MYO5B: variants seen among roughly 807,000 people sequenced by gnomAD.
MYO5B encodes unconventional myosin-Vb.
In MYO5B, 143 loss-of-function variants were observed where a neutral mutation model predicts 229.3. The ratio of observed to expected loss-of-function variants is 0.62; its 90% CI spans 0.54 to 0.72. The LOEUF is 0.72. Among genes scored for constraint, MYO5B ranks in the 30% least tolerant of loss-of-function variants. MYO5B has a pLI of 0.00. For missense variants in MYO5B, 2,321 were observed against 2,331.0 expected, an observed-to-expected ratio of 1.00 and a Z score of 0.09; for synonymous variants, 918 against 885.2, an observed-to-expected ratio of 1.04 and a Z score of -0.66.
chr18:49,833,549 A>T (rs755188941), intron 39 of MYO5B, among the ~76,000 whole-genome samples: 6 of 152,226 alleles, frequency 3.9e-5, no homozygotes, highest in Non-Finnish European at 7.3e-5. Flanking sequence ...CTTAACCTCC[A>T]TTATATTTTC....
intron 33 of MYO5B, among the ~76,000 whole-genome samples, chr18:49,846,829 C>G (rs921330794): frequency 3.3e-5 from 5 of 152,016 alleles, no homozygotes; most frequent in African/African-American, 1.2e-4. Flanking sequence ...AGAGCTGCAC[C>G]AAGGAAAGGG....
At chr18:50,013,936 G>T (rs2026189137) in intron 4 of MYO5B, among the ~76,000 whole-genome samples, 1 of 152,142 alleles carries the variant, frequency 6.6e-6, no homozygotes, top group African/African-American at 2.4e-5. Context: ...ACTTCCCACA[G>T]GTTACAGCCT....
At chr18:49,890,806 T>G (rs940499899) in intron 22 of MYO5B, among the ~76,000 whole-genome samples, 5 of 152,218 alleles carry the variant, frequency 3.3e-5, no homozygotes, top group Non-Finnish European at 7.3e-5. Context: ...TTGAAGTGTT[T>G]ATTTGACCAT....
intron 1 of MYO5B, among the ~76,000 whole-genome samples, chr18:50,167,775 C>T (rs1202360014): frequency 6.6e-6 from 1 of 152,176 alleles, no homozygotes; most frequent in African/African-American, 2.4e-5. Context: ...CCTAGGGCTC[C>T]TTTCATCCAT....
At chr18:49,873,645 C>T (rs548002262) in intron 26 of MYO5B, among the ~76,000 whole-genome samples, 1 of 152,336 alleles carries the variant, frequency 6.6e-6, no homozygotes, top group South Asian at 2.1e-4. Context: ...ATGGATTTGC[C>T]ATGTGTCCGT....
At chr18:49,911,968 G>T (rs2024962811) in intron 18 of MYO5B, 94 bp downstream of exon 18, 3 of 931,830 alleles carry the variant, frequency 3.2e-6, no homozygotes, top group Non-Finnish European at 5.3e-6. Flanking sequence ...TAAGAAGGAT[G>T]AAGACCAAAA....
At chr18:50,160,824 G>A (rs1225524167) in intron 1 of MYO5B, among the ~76,000 whole-genome samples, 2 of 151,966 alleles carry the variant, frequency 1.3e-5, no homozygotes, top group Non-Finnish European at 2.9e-5. Context: ...CTCCACTCTC[G>A]ATTCCCTACA....
chr18:49,993,433 A>G (rs2025953822), intron 5 of MYO5B, among the ~76,000 whole-genome samples: 1 of 152,080 alleles, frequency 6.6e-6, no homozygotes, highest in South Asian at 2.1e-4. Context: ...GAGAAGCAAA[A>G]GGTCACAAAG....
chr18:50,140,150 G>C (rs1370520704), intron 1 of MYO5B, among the ~76,000 whole-genome samples: 2 of 152,320 alleles, frequency 1.3e-5, no homozygotes, highest in East Asian at 1.9e-4. Flanking sequence ...AAAGCTCACT[G>C]TAACTGGAAA....
chr18:49,867,678 G>A (rs1019641558), intron 27 of MYO5B, among the ~76,000 whole-genome samples: 59 of 152,172 alleles, frequency 3.9e-4, no homozygotes, highest in African/African-American at 1.4e-3. Context: ...CACACGGGAT[G>A]AGCGTTACCA....
Position 49,894,971 on chromosome 18 carries a change from G to T in MYO5B, c.3015C>A (p.Ala1005=), listed in dbSNP as rs757997627. Residue 1005 remains alanine (A), a synonymous_variant, in exon 22 of 40, where the codon GCC becomes GCA. Coordinates refer to ENST00000285039, the MANE Select transcript of MYO5B (RefSeq NM_001080467.3). ...TCAGCTCATCTTTCTCCCTGCTGTG[G>T]GCGTCCTCCAAGATCTTGCGCTCCG... is the stretch of plus-strand genomic sequence containing the variant. ...AHSERKILED[A]HSREKDELRK... is the part of the protein sequence containing the mutation. The T allele has an allele frequency of 3.7e-6, 6 of 1,613,434 alleles. No individual in the cohort carries two copies. The highest frequency in any genetic ancestry group is 5.1e-6 in the Non-Finnish European group (6 of 1,180,028).
rs1350567704 is a variant in MYO5B at position 49,925,674 on chromosome 18, AAGCAGGAGTGCAGCCAGG to A, written c.2090+3820_2090+3837del. ...GAAGACTGGCAGATACAAGAGCCAG[AAGCAGGAGTGCAGCCAGG>A]AGCAGGAGTGCAGCCAGCTGCCCGT... On this transcript the variant is annotated intron_variant, in intron 17 of 39. Coordinates refer to ENST00000285039, the MANE Select transcript of MYO5B (RefSeq NM_001080467.3). 3.9e-5 allele frequency among the ~76,000 whole-genome samples: 6 copies of A among 152,318 alleles called. No individual in the cohort carries two copies. In the South Asian group the frequency reaches 1.0e-3, roughly 26 times the overall value.
intron 14 of MYO5B, among the ~76,000 whole-genome samples, chr18:49,949,975 T>TG: frequency 6.6e-6 from 1 of 152,286 alleles, no homozygotes; most frequent in East Asian, 1.9e-4. Context: ...TCTGCCCAAA[T>TG]GGTGTAGAGC....
chr18:49,999,703 G>C (rs1469305255), intron 5 of MYO5B, among the ~76,000 whole-genome samples: 1 of 152,126 alleles, frequency 6.6e-6, no homozygotes, highest in East Asian at 1.9e-4. Flanking sequence ...TTTTTAATAG[G>C]TCAGTGGTTC....
At chr18:49,852,519 A>T (rs1433696552) in intron 31 of MYO5B, among the ~76,000 whole-genome samples, 2 of 152,174 alleles carry the variant, frequency 1.3e-5, no homozygotes, top group African/African-American at 4.8e-5. Context: ...GATCAAGTGA[A>T]CTGGCCACCC....
At chr18:49,938,812 C>CT (rs935441162) in intron 14 of MYO5B, among the ~76,000 whole-genome samples, 14 of 152,272 alleles carry the variant, frequency 9.2e-5, no homozygotes, top group African/African-American at 3.4e-4. Flanking sequence ...ACCCCCACCC[C>CT]TTTCTCTTCT....
At chr18:50,087,494 A>C (rs952241436) in intron 1 of MYO5B, among the ~76,000 whole-genome samples, 13 of 150,616 alleles carry the variant, frequency 8.6e-5, no homozygotes, top group African/African-American at 2.2e-4. Context: ...AATCGCTTGA[A>C]CCTGGGAAGT....
At chr18:49,994,204 C>T (rs572779813) in intron 5 of MYO5B, among the ~76,000 whole-genome samples, 17 of 152,160 alleles carry the variant, frequency 1.1e-4, no homozygotes, top group Non-Finnish European at 1.9e-4. Flanking sequence ...CTCTTCTTCC[C>T]CTTAGCCCAT....
intron 17 of MYO5B, among the ~76,000 whole-genome samples, chr18:49,920,879 G>A (rs990470804): frequency 6.6e-6 from 1 of 152,130 alleles, no homozygotes; most frequent in Non-Finnish European, 1.5e-5. Context: ...GCAGCCATGC[G>A]TGAAAACCCG....
Sources: allele counts gnomAD v4.1 joint callset (sites outside exome capture counted in the v4.1 genomes callset), GRCh38; gene constraint gnomAD v4.1.1; transcripts MANE v1.5; gene names NCBI Gene and HGNC (gene_info 2026-07-23, HGNC 2026-07-21).